Variants in NSUN6 observed in about 807,000 individuals in gnomAD.
The protein encoded by NSUN6 is NOP2/Sun RNA methyltransferase 6, also known as tRNA (cytosine(72)-C(5))-methyltransferase NSUN6.
A neutral mutation model predicts 58.0 loss-of-function variants in NSUN6; 64 were observed. The observed-to-expected ratio is 1.10, with a 90% CI of 0.90 to 1.36. NSUN6 has a LOEUF of 1.36. NSUN6 is among the 40% of genes most tolerant of loss of function. The probability of loss-of-function intolerance (pLI) is 0.00; values close to 1 mark genes in which losing one functional copy is unlikely to be tolerated. For missense variants in NSUN6, 701 were observed against 550.1 expected (o/e 1.27, Z -2.74); for synonymous variants, 231 against 193.9 (o/e 1.19, Z -1.59).
chr10:18,562,028 A>T (rs2055552225), intron 8 of NSUN6, among the ~76,000 whole-genome samples: 1 of 151,110 alleles, frequency 6.6e-6, no homozygotes, highest in African/African-American at 2.4e-5. Flanking sequence ...AATGGAATGG[A>T]ATGCGGAATG....
Position 18,545,946 on chromosome 10 carries a change from C to T in NSUN6, c.1397G>A (p.Cys466Tyr). The change falls in exon 11 of 11, where the codon TGC (cysteine) becomes TAC (tyrosine). Residue 466 changes from cysteine to tyrosine, a missense_variant. Physicochemically the swap from Cys to Tyr is radical, Grantham distance 194. Transcript: ENST00000377304. Reference protein sequence around the residue: ...IGFFIAKFVKCKST With the variant: ...IGFFIAKFVKYKST ...TCCATCCCTCTCCTATGTGCTTTTGCATTTTACAAATTTTGCAATAAAAAA... is the reference window on the plus strand; with the variant it reads ...TCCATCCCTCTCCTATGTGCTTTTGTATTTTACAAATTTTGCAATAAAAAA... 6.4e-7 allele frequency: 1 copy of T among 1,572,356 alleles called. No individual in the cohort carries two copies. The highest frequency in any genetic ancestry group is 2.3e-5 in the East Asian group (1 of 44,270).
chr10:18,608,500 G>A (rs188461994), intron 6 of NSUN6, among the ~76,000 whole-genome samples: 53 of 152,024 alleles, frequency 3.5e-4, no homozygotes, highest in Admixed American at 1.0e-3. Context: ...AGCAGGGTGC[G>A]GTGGCGCATG....
intron 7 of NSUN6, among the ~76,000 whole-genome samples, chr10:18,589,608 A>C (rs2065507214): frequency 6.6e-6 from 1 of 152,226 alleles, no homozygotes; most frequent in South Asian, 2.1e-4. Flanking sequence ...AATATTCAAC[A>C]TTCTTAAATA....
Position 18,580,448 on chromosome 10 carries a change from T to C in NSUN6, c.922+5501A>G, listed in dbSNP as rs903550593. On this transcript the variant is annotated intron_variant, in intron 8 of 10. Coordinates refer to ENST00000377304, the MANE Select transcript of NSUN6 (RefSeq NM_182543.5). Reference sequence around the variant, plus strand: ...TAAGAGGGACAGGCTTGTCAGCTTGTTTCATGTGCCCCAGTTCCACCTTGC... The same window carrying C: ...TAAGAGGGACAGGCTTGTCAGCTTGCTTCATGTGCCCCAGTTCCACCTTGC... Among the ~76,000 whole-genome samples, 3 of 152,222 alleles carry C rather than the reference T, an allele frequency of 2.0e-5. No homozygotes were observed. In the East Asian group the frequency reaches 5.8e-4, roughly 29 times the overall value.
At chr10:18,581,210 T>G (rs530770562) in intron 8 of NSUN6, among the ~76,000 whole-genome samples, 1 of 152,154 alleles carries the variant, frequency 6.6e-6, no homozygotes, top group South Asian at 2.1e-4. Context: ...CTGGGTAAAA[T>G]AAGGCTGAGA....
Position 18,587,525 on chromosome 10 carries a change from G to T in NSUN6, c.778-1432C>A, listed in dbSNP as rs146603091. On this transcript the variant is annotated intron_variant, in intron 7 of 10. Transcript: ENST00000377304. ...AGAGAGCTGAATAGAAACAGCTCCAGTCTGTAGCTCCCAGCGAGACCAATG... is the reference window on the plus strand; with the variant it reads ...AGAGAGCTGAATAGAAACAGCTCCATTCTGTAGCTCCCAGCGAGACCAATG... Among the ~76,000 whole-genome samples the T allele has an allele frequency of 1.8e-3, 276 of 152,284 alleles. 2 individuals are homozygous for T. The highest frequency in any genetic ancestry group is 0.013 in the Admixed American group (205 of 15,296).
chr10:18,553,331 G>C (rs2054736761), intron 8 of NSUN6, among the ~76,000 whole-genome samples: 1 of 151,890 alleles, frequency 6.6e-6, no homozygotes, highest in African/African-American at 2.4e-5. Context: ...GAATGGTATG[G>C]AATGAAATGC....
intron 3 of NSUN6, among the ~76,000 whole-genome samples, chr10:18,638,373 C>T (rs1387585741): frequency 6.6e-6 from 1 of 152,042 alleles, no homozygotes; most frequent in East Asian, 1.9e-4. Flanking sequence ...ACCCAGGAGG[C>T]GGAGGTTGCA....
chr10:18,600,959 T>TATATATATATATATATATATATATAC, intron 6 of NSUN6, among the ~76,000 whole-genome samples: 90 of 64,824 alleles, frequency 1.4e-3, no homozygotes, highest in East Asian at 6.2e-3. Flanking sequence ...TATATATATA[T>TATATATATATATATATATATATATAC]ACATATATAT....
chr10:18,618,080 T>C (rs2058475680), intron 3 of NSUN6, among the ~76,000 whole-genome samples: 1 of 152,236 alleles, frequency 6.6e-6, no homozygotes, highest in South Asian at 2.1e-4. Context: ...TTCACATTGA[T>C]TGATTTAGGA....
intron 2 of NSUN6, among the ~76,000 whole-genome samples, chr10:18,647,687 T>C (rs909073142): frequency 2.0e-5 from 3 of 151,892 alleles, no homozygotes; most frequent in Non-Finnish European, 4.4e-5. Context: ...ATCATCTTAA[T>C]TTCCTGGTTT....
chr10:18,648,102 T>C (rs1440712903), intron 2 of NSUN6, among the ~76,000 whole-genome samples: 1 of 152,180 alleles, frequency 6.6e-6, no homozygotes, highest in Non-Finnish European at 1.5e-5. Flanking sequence ...TGTACCTCCT[T>C]ACCCCTGGGC....
intron 2 of NSUN6, among the ~76,000 whole-genome samples, chr10:18,647,538 C>T (rs965376607): frequency 6.6e-5 from 10 of 152,098 alleles, no homozygotes; most frequent in Non-Finnish European, 1.2e-4. Flanking sequence ...CAAGATAACT[C>T]ATACTTTCTG....
chr10:18,617,946 G>A (rs1042942115), intron 3 of NSUN6, among the ~76,000 whole-genome samples: 4 of 152,088 alleles, frequency 2.6e-5, no homozygotes, highest in Non-Finnish European at 5.9e-5. Flanking sequence ...CTTGGACTTC[G>A]TATCCTCCAA....
chr10:18,651,883 G>A (rs1399056330), upstream of NSUN6: 4 of 985,328 alleles, frequency 4.1e-6, no homozygotes, highest in African/African-American at 7.0e-5. Flanking sequence ...AATGGCGTGG[G>A]TTGAGTGGAA....
At chr10:18,556,472 A>G (rs12777957) in intron 8 of NSUN6, among the ~76,000 whole-genome samples, 24 of 151,494 alleles carry the variant, frequency 1.6e-4, no homozygotes, top group Non-Finnish European at 2.8e-4. Flanking sequence ...TGGAGAATGG[A>G]ATGGAATGGA....
At chr10:18,592,678 A>C (rs2057422394) in intron 7 of NSUN6, among the ~76,000 whole-genome samples, 2 of 152,178 alleles carry the variant, frequency 1.3e-5, no homozygotes, top group Non-Finnish European at 2.9e-5. Flanking sequence ...AGAAGACAGA[A>C]ACTGCACCCC....
intron 8 of NSUN6, among the ~76,000 whole-genome samples, chr10:18,555,394 G>A (rs1458180264): frequency 6.6e-6 from 1 of 150,484 alleles, no homozygotes; most frequent in African/African-American, 2.4e-5. Context: ...GGAATCGAAT[G>A]GAGCATGGAA....
chr10:18,592,642 G>T (rs2057420241), intron 7 of NSUN6, among the ~76,000 whole-genome samples: 1 of 152,176 alleles, frequency 6.6e-6, no homozygotes, highest in Non-Finnish European at 1.5e-5. Context: ...AATAAATGGT[G>T]CTGGGAAAAC....
Sources: allele counts gnomAD v4.1 joint callset (sites outside exome capture counted in the v4.1 genomes callset), GRCh38; gene constraint gnomAD v4.1.1; transcripts MANE v1.5; gene names NCBI Gene and HGNC (gene_info 2026-07-23, HGNC 2026-07-21).